Variants in ZNF66 observed in about 807,000 individuals in gnomAD.
The protein encoded by ZNF66 is putative zinc finger protein 66.
Under a neutral mutation model 35.2 loss-of-function variants are expected in ZNF66, and 32 were observed. The ratio of observed to expected loss-of-function variants is 0.91; its 90% CI spans 0.69 to 1.22. The LOEUF is 1.22. ZNF66 is among the 50% of genes most tolerant of loss of function. ZNF66 has a pLI of 0.00. For missense variants in ZNF66, 666 were observed against 543.1 expected (o/e 1.23, Z -2.25); for synonymous variants, 231 against 181.3 (o/e 1.27, Z -2.20).
intron 3 of ZNF66, among the ~76,000 whole-genome samples, chr19:20,800,038 A>G (rs1172854068): frequency 6.6e-6 from 1 of 152,164 alleles, no homozygotes; most frequent in African/African-American, 2.4e-5. Context: ...TGTTGTTTTG[A>G]GACAAGATCT....
chr19:20,791,843 A>G (rs190005754), intron 1 of ZNF66, among the ~76,000 whole-genome samples: 193 of 152,256 alleles, frequency 1.3e-3, no homozygotes, highest in African/African-American at 4.4e-3. Context: ...TTTTTTTACT[A>G]TATAGCTAAT....
rs1451609193 is a variant in ZNF66, at chr19:20,776,328, A to C, written c.-120A>C. 10 of 1,434,840 alleles carry C rather than the reference A, an allele frequency of 7.0e-6. No individual in the cohort carries two copies. Among genetic ancestry groups the C allele is most frequent in the Non-Finnish European group, 9.8e-6 (10 of 1,021,162 alleles). The allele number at this position is 1,434,840 out of a possible 1,614,324, so 88.9% of individuals were successfully genotyped here. A position where few individuals can be genotyped will look rare whatever the true frequency, so the allele number is the denominator to read the frequency against. ...TGTCTCTCCCTGCAGCTGGAGCTCC[A>C]GGTCGTCTGTTCACTGCTCTCTGTC... On this transcript the variant is annotated 5_prime_UTR_variant, in exon 1 of 4. Coordinates refer to ENST00000344519, the MANE Select transcript of ZNF66 (RefSeq NM_001355197.2).
In ZNF66 at chr19:20,808,283, C is replaced by G. The variant is rs1186136600; in HGVS notation, c.*961C>G. On this transcript the variant is annotated 3_prime_UTR_variant, in exon 4 of 4. Coordinates refer to ENST00000344519, the MANE Select transcript of ZNF66 (RefSeq NM_001355197.2). ...AGGCTCCACCTCTGGGGTCAGGGCACAGACAAAAAGACAGCAGTAACCTCT... is the reference window on the plus strand; with the variant it reads ...AGGCTCCACCTCTGGGGTCAGGGCAGAGACAAAAAGACAGCAGTAACCTCT... Among the ~76,000 whole-genome samples the G allele has an allele frequency of 6.6e-6, 1 of 152,226 alleles. No individual in the cohort carries two copies. Among genetic ancestry groups the G allele is most frequent in the Non-Finnish European group, 1.5e-5 (1 of 68,042 alleles).
intron 1 of ZNF66, among the ~76,000 whole-genome samples, chr19:20,778,143 C>T (rs1971212828): frequency 6.6e-6 from 1 of 152,134 alleles, no homozygotes; most frequent in Admixed American, 6.5e-5. Flanking sequence ...ACTCCGTCAC[C>T]AGGTTGGAGT....
chr19:20,797,501 C>A (rs76598325), intron 3 of ZNF66, among the ~76,000 whole-genome samples: 2 of 124,010 alleles, frequency 1.6e-5, no homozygotes, highest in Admixed American at 7.6e-5. Context: ...CCACCGCGCC[C>A]GGCCGATTTT....
chr19:20,789,944 T>C (rs545350579), intron 1 of ZNF66, among the ~76,000 whole-genome samples: 1 of 152,226 alleles, frequency 6.6e-6, no homozygotes, highest in African/African-American at 2.4e-5. Context: ...TCTCCTTGTT[T>C]GTACCAGAAG....
chr19:20,805,774 A>G (rs1192433681), intron 3 of ZNF66, 53 bp from the exon 4 acceptor site: 3 of 498,350 alleles, frequency 6.0e-6, no homozygotes, highest in Non-Finnish European at 1.1e-5. Context: ...TTTGTAAAGT[A>G]TATTTATCTG....
rs771271152 is a variant in ZNF66, at chr19:20,807,311, G to T, written c.1711G>T (p.Ala571Ser). 49 of 646,294 alleles carry T rather than the reference G, an allele frequency of 7.6e-5. No individual in the cohort carries two copies. The highest frequency in any genetic ancestry group is 1.2e-4 in the Non-Finnish European group (44 of 358,972). 40.0% of individuals were successfully genotyped at this position (646,294 alleles called of 1,614,324 possible). Residue 571 changes from alanine (A) to serine (S), a missense_variant, in exon 4 of 4, where the codon GCA becomes TCA. Transcript: ENST00000344519. Reference sequence around the variant, plus strand: ...GAATCCCTACAAATGTGAAAATGTGGCAAAGCCTTAGACACTCCTCTACCC... The same window carrying T: ...GAATCCCTACAAATGTGAAAATGTGTCAAAGCCTTAGACACTCCTCTACCC... ...GGNPYKCENV[A>S]KP
intron 2 of ZNF66, among the ~76,000 whole-genome samples, chr19:20,793,199 A>G (rs183892167): frequency 6.6e-6 from 1 of 152,228 alleles, no homozygotes; most frequent in African/African-American, 2.4e-5. Flanking sequence ...TTACTGACTT[A>G]AAATATTGTA....
At chr19:20,801,155 A>T (rs761060980) in intron 3 of ZNF66, among the ~76,000 whole-genome samples, 1 of 150,566 alleles carries the variant, frequency 6.6e-6, no homozygotes, top group Non-Finnish European at 1.5e-5. Context: ...TGACCACCTT[A>T]CTCAATTGTG....
At chr19:20,801,817 CAG>C (rs1193760956) in intron 3 of ZNF66, among the ~76,000 whole-genome samples, 1 of 151,418 alleles carries the variant, frequency 6.6e-6, no homozygotes, top group African/African-American at 2.4e-5. Flanking sequence ...TTCATAGAGA[CAG>C]AGTTTTGCCA....
Position 20,793,858 on chromosome 19 carries a change from A to T in ZNF66, c.206A>T (p.Glu69Val), listed in dbSNP as rs189794874. ...GKKPSTMQRHEMVANPSVLCS... is the reference protein window; with the variant it reads ...GKKPSTMQRHVMVANPSVLCS... ...AAACCTTCGACTATGCAGAGACATG[A>T]GATGGTAGCCAACCCCTCAGGTAGG... The change falls in exon 3 of 4, where the codon GAG (glutamate) becomes GTG (valine). Residue 69 changes from glutamate (E) to valine (V), a missense_variant. Coordinates refer to ENST00000344519, the MANE Select transcript of ZNF66 (RefSeq NM_001355197.2). 4.4e-5 allele frequency: 52 copies of T among 1,181,978 alleles called. No homozygotes were observed. The East Asian group carries it at 8.0e-4, about 18-fold the overall frequency. 73.2% of individuals were successfully genotyped at this position (1,181,978 alleles called of 1,614,324 possible). A position where few individuals can be genotyped will look rare whatever the true frequency, so the allele number is the denominator to read the frequency against.
intron 1 of ZNF66, 119 bp downstream of exon 1, chr19:20,776,569 T>A: frequency 7.5e-7 from 1 of 1,332,420 alleles, no homozygotes; most frequent in Non-Finnish European, 1.1e-6. Flanking sequence ...TCTGCCTCAG[T>A]CCCATTCAGC....
rs567020718 is a variant in ZNF66, at chr19:20,788,213, T to C, written c.4-4299T>C. Among the ~76,000 whole-genome samples, 59 of 152,268 alleles carry C rather than the reference T, an allele frequency of 3.9e-4. 1 individual carries two copies. Among genetic ancestry groups the C allele is most frequent in the South Asian group, 2.5e-3 (12 of 4,822 alleles). On this transcript the variant is annotated intron_variant, in intron 1 of 3. Coordinates refer to ENST00000344519, the MANE Select transcript of ZNF66 (RefSeq NM_001355197.2). ...AGTTGCTTCAATTTCATATAGCCAT[T>C]AAAAAACCATGAAGCAGTCATGGTT... is the stretch of plus-strand genomic sequence containing the variant.
Position 20,793,327 on chromosome 19 carries a change from C to CTTTTTTT in ZNF66, c.131-452_131-451insTTTTTTT, listed in dbSNP as rs879637768. ...CTTTTCTTTTCTTTTCTTTTCTTTT[C>CTTTTTTT]TTTTCTTTTTTTTTTTTTTTTGAGA... On this transcript the variant is annotated intron_variant, in intron 2 of 3. Transcript: ENST00000344519. Among the ~76,000 whole-genome samples, 124 of 74,702 alleles carry CTTTTTTT rather than the reference C, an allele frequency of 1.7e-3. 16 individuals are homozygous for CTTTTTTT. The highest frequency in any genetic ancestry group is 3.3e-3 in the Admixed American group (20 of 6,056). The allele number at this position is 74,702 out of a possible 152,430, so 49.0% of individuals were successfully genotyped here. A position where few individuals can be genotyped will look rare whatever the true frequency, so the allele number is the denominator to read the frequency against.
intron 1 of ZNF66, among the ~76,000 whole-genome samples, chr19:20,780,820 T>G (rs1971238878): frequency 6.6e-6 from 1 of 152,106 alleles, no homozygotes; most frequent in Admixed American, 6.6e-5. Context: ...GACAGAGGAC[T>G]GAAAACTTAG....
intron 3 of ZNF66, among the ~76,000 whole-genome samples, chr19:20,801,099 C>A (rs1971443406): frequency 6.6e-6 from 1 of 151,950 alleles, no homozygotes; most frequent in Non-Finnish European, 1.5e-5. Context: ...CAGTCATTGT[C>A]CCATGGTCGT....
rs1228923503 is a variant in ZNF66, at chr19:20,777,486, C to T, written c.3+1036C>T. Among the ~76,000 whole-genome samples, 5 of 128,594 alleles carry T rather than the reference C, an allele frequency of 3.9e-5. No individual in the cohort carries two copies. The East Asian group carries it at 1.2e-3, about 31-fold the overall frequency. The allele number at this position is 128,594 out of a possible 152,430, so 84.4% of individuals were successfully genotyped here. On this transcript the variant is annotated intron_variant, in intron 1 of 3. Transcript: ENST00000344519. The stretch of plus-strand genomic sequence containing the variant: ...TTTTTTTTTTTTTAGAAATAGAAAT[C>T]CGGGGACTAGAGCCTCTTCAGTCTA...
Position 20,793,840 on chromosome 19 carries a change from C to T in ZNF66, c.188C>T (p.Ser63Leu), listed in dbSNP as rs2099049. ...CATCTGGAGCAAGGAAAAAAACCTT[C>T]GACTATGCAGAGACATGAGATGGTA... Reference protein sequence around the residue: ...ITHLEQGKKPSTMQRHEMVAN... With the variant: ...ITHLEQGKKPLTMQRHEMVAN... The change falls in exon 3 of 4, where the codon TCG becomes TTG. Residue 63 changes from serine to leucine, a missense_variant. By Grantham distance (145) the Ser-to-Leu change is moderately radical. Coordinates refer to ENST00000344519, the MANE Select transcript of ZNF66 (RefSeq NM_001355197.2). 4.8e-4 allele frequency: 568 copies of T among 1,171,610 alleles called. 3 individuals are homozygous for T. The East Asian group carries it at 0.014, about 30-fold the overall frequency. The allele number at this position is 1,171,610 out of a possible 1,614,324, so 72.6% of individuals were successfully genotyped here.
Sources: gnomAD v4.1 joint callset for allele counts (sites outside exome capture counted in the v4.1 genomes callset) on GRCh38, gnomAD v4.1.1 for gene constraint, MANE v1.5 for transcripts, NCBI Gene and HGNC (gene_info 2026-07-23, HGNC 2026-07-21) for gene names.